ST6GALNAC2: variants seen among roughly 807,000 people sequenced by gnomAD.
The protein encoded by ST6GALNAC2 is alpha-N-acetylgalactosaminide alpha-2,6-sialyltransferase 2.
In ST6GALNAC2, 42 loss-of-function variants were observed where a neutral mutation model predicts 38.7. That is an observed-to-expected ratio of 1.09 (90% CI 0.85 to 1.40). The LOEUF is 1.40. ST6GALNAC2 is among the 40% of genes most tolerant of loss of function. The probability of loss-of-function intolerance (pLI) is 0.00; values close to 1 mark genes in which losing one functional copy is unlikely to be tolerated. For missense variants in ST6GALNAC2, 506 were observed against 481.7 expected (o/e 1.05, Z -0.47); for synonymous variants, 233 against 209.0 (o/e 1.11, Z -0.99).
chr17:76,570,904 G>A (rs1288443151), intron 5 of ST6GALNAC2: 7 of 489,970 alleles, frequency 1.4e-5, no homozygotes, highest in African/African-American at 3.9e-5. Flanking sequence ...TGGACTTAGC[G>A]ACTCATGCAC....
At chr17:76,571,170 C>G (rs2075349274) in intron 5 of ST6GALNAC2, 1 of 154,114 alleles carries the variant, frequency 6.5e-6, no homozygotes, top group Non-Finnish European at 1.4e-5. Context: ...GCCAAAACCT[C>G]CCACTAAGCT....
At chr17:76,574,965 C>T (rs566485245) in intron 2 of ST6GALNAC2, among the ~76,000 whole-genome samples, 2 of 152,262 alleles carry the variant, frequency 1.3e-5, no homozygotes, top group East Asian at 1.9e-4. Context: ...CGTGAGCCAC[C>T]GCGCCTGGCC....
At chr17:76,585,286 A>AAGCAGAAT (rs2075532169) in intron 1 of ST6GALNAC2, among the ~76,000 whole-genome samples, 1 of 152,178 alleles carries the variant, frequency 6.6e-6, no homozygotes, top group Admixed American at 6.5e-5. Context: ...CCTGCCCAAA[A>AAGCAGAAT]AGCAGAATCT....
At position 76,579,751 on chromosome 17, in the gene ST6GALNAC2, T is replaced by C. The variant is rs180985194; in HGVS notation, c.126-935A>G. Reference sequence around the variant, plus strand: ...ACAAGGATGAATCCAGCCTCTCTTCTCTGGAGCATACGTGCTCTCTTGTCT... The same window carrying C: ...ACAAGGATGAATCCAGCCTCTCTTCCCTGGAGCATACGTGCTCTCTTGTCT... On this transcript the variant is annotated intron_variant, in intron 1 of 8. Transcript: ENST00000225276. 1.5e-3 allele frequency among the ~76,000 whole-genome samples: 231 copies of C among 152,332 alleles called. 2 individuals carry two copies. The highest frequency in any genetic ancestry group is 4.7e-4 in the Non-Finnish European group (32 of 68,032).
Position 76,578,745 on chromosome 17 carries a change from G to A in ST6GALNAC2, c.186+11C>T, listed in dbSNP as rs778941330. On this transcript the variant is annotated intron_variant, in intron 2 of 8. Coordinates refer to ENST00000225276, the MANE Select transcript of ST6GALNAC2 (RefSeq NM_006456.3). ...TGCTCAAAACTGCCACAGGGTAGTC[G>A]ACCACTCTACCTTTCCTGTCCAAGA... is the stretch of plus-strand genomic sequence containing the variant. The A allele has an allele frequency of 3.1e-6, 5 of 1,611,424 alleles. No individual in the cohort carries two copies. Among genetic ancestry groups the A allele is most frequent in the African/African-American group, 2.7e-5 (2 of 74,884 alleles).
rs764650902 is a variant in ST6GALNAC2 at position 76,568,874 on chromosome 17, C to A, written c.774-78G>T. 9.8e-6 allele frequency: 14 copies of A among 1,434,384 alleles called. No homozygotes were observed. In the African/African-American group the frequency reaches 1.1e-4, roughly 12 times the overall value. The allele number at this position is 1,434,384 out of a possible 1,614,324, so 88.9% of individuals were successfully genotyped here. On this transcript the variant is annotated intron_variant, in intron 6 of 8. Coordinates refer to ENST00000225276, the MANE Select transcript of ST6GALNAC2 (RefSeq NM_006456.3). ...GGGGAGATGGAGGGGAGGGTCAGGG[C>A]GCCGGAGTAGCCGCGGTACCCTGAG... is the stretch of plus-strand genomic sequence containing the variant.
At chr17:76,583,268 C>T (rs188121283) in intron 1 of ST6GALNAC2, among the ~76,000 whole-genome samples, 86 of 148,300 alleles carry the variant, frequency 5.8e-4, no homozygotes, top group Admixed American at 9.7e-4. Flanking sequence ...CCCAGCTACT[C>T]GGGAGGCTGA....
In ST6GALNAC2 at chr17:76,567,560, CA is replaced by C. The variant is rs1238919873; in HGVS notation, c.858-9del. The C allele has an allele frequency of 3.8e-6, 6 of 1,584,328 alleles. No individual in the cohort carries two copies. The East Asian group carries it at 1.3e-4, about 35-fold the overall frequency. ...AACTTTGATTTCAAGAACCTGGAAGCAAAAAGAGACATTTCAGCTCACTAGC... is the reference window on the plus strand; with the variant it reads ...AACTTTGATTTCAAGAACCTGGAAGCAAAAGAGACATTTCAGCTCACTAGC... On this transcript the variant is annotated splice_polypyrimidine_tract_variant and intron_variant, in intron 7 of 8. Transcript: ENST00000225276.
intron 6 of ST6GALNAC2, chr17:76,569,646 C>A: frequency 2.5e-6 from 1 of 398,168 alleles, no homozygotes. Context: ...AAGGGGAGCT[C>A]ATTGGTGTTG....
rs1029819206 is a variant in ST6GALNAC2 at position 76,569,840 on chromosome 17, G to T, written c.773+725C>A. On this transcript the variant is annotated intron_variant, in intron 6 of 8. Transcript: ENST00000225276. ...ACCACCTGTAAAGCTGCTCTGTGGG[G>T]GGTGGGGAAGATGTCCTCAGCGAGA... 1.2e-5 allele frequency: 3 copies of T among 245,040 alleles called. 1 individual carries two copies. Among genetic ancestry groups the T allele is most frequent in the East Asian group, 1.4e-4 (2 of 14,116 alleles). 15.2% of individuals were successfully genotyped at this position (245,040 alleles called of 1,614,324 possible).
In ST6GALNAC2 at chr17:76,568,563, TG is replaced by T. The variant is rs1003567432; in HGVS notation, c.857+149del. On this transcript the variant is annotated intron_variant, in intron 7 of 8. Coordinates refer to ENST00000225276, the MANE Select transcript of ST6GALNAC2 (RefSeq NM_006456.3). ...GTGCTAAATAAAACAGTAAATGAAG[TG>T]ACAGTGCTTTGCACACAGCACTCGG... The T allele has an allele frequency of 1.0e-5, 7 of 691,942 alleles. No individual in the cohort carries two copies. The African/African-American group carries it at 1.3e-4, about 12-fold the overall frequency. The allele number at this position is 691,942 out of a possible 1,614,324, so 42.9% of individuals were successfully genotyped here.
chr17:76,578,690 C>T (rs867993456), intron 2 of ST6GALNAC2, 66 bp downstream of exon 2: 1 of 1,482,938 alleles, frequency 6.7e-7, no homozygotes, highest in Non-Finnish European at 9.3e-7. Flanking sequence ...CTCGTTTGCT[C>T]TTCTTCCCTC....
intron 2 of ST6GALNAC2, among the ~76,000 whole-genome samples, chr17:76,575,262 CAGGCTGCCAG>C (rs1196083066): frequency 2.0e-5 from 3 of 152,192 alleles, no homozygotes; most frequent in African/African-American, 7.2e-5. Context: ...TGTGTGTGAA[CAGGCTGCCAG>C]GAAGATCCGT....
intron 1 of ST6GALNAC2, 81 bp downstream of exon 1, chr17:76,585,603 G>T: frequency 7.2e-7 from 1 of 1,395,480 alleles, no homozygotes; most frequent in Non-Finnish European, 9.3e-7. Flanking sequence ...GCTGCGGGCC[G>T]CCGGGGAGCC....
chr17:76,574,330 C>G, intron 3 of ST6GALNAC2, 35 bp downstream of exon 3: 5 of 1,595,624 alleles, frequency 3.1e-6, no homozygotes, highest in Non-Finnish European at 4.3e-6. Flanking sequence ...GAAGCTAAGG[C>G]AGAAGGCAGG....
At position 76,573,403 on chromosome 17, in the gene ST6GALNAC2, C is replaced by G; in HGVS notation, c.362-40G>C. 1 of 1,473,706 alleles carries G rather than the reference C, an allele frequency of 6.8e-7. No individual in the cohort carries two copies. The allele number at this position is 1,473,706 out of a possible 1,614,324, so 91.3% of individuals were successfully genotyped here. A position where few individuals can be genotyped will look rare whatever the true frequency, so the allele number is the denominator to read the frequency against. On this transcript the variant is annotated intron_variant, in intron 3 of 8. Coordinates refer to ENST00000225276, the MANE Select transcript of ST6GALNAC2 (RefSeq NM_006456.3). The surrounding 1 kb of genome is among the most constrained non-coding windows in gnomAD (Gnocchi z 5.1). The stretch of plus-strand genomic sequence containing the variant: ...GGGGAGCAGCCATGAGGAGGGCTGG[C>G]ATCGGGGGCACCTGGGGCCTTCCCT...
At chr17:76,569,525 A>AGGGGG in intron 6 of ST6GALNAC2, 1 of 148,550 alleles carries the variant, frequency 6.7e-6, no homozygotes, top group Non-Finnish European at 1.1e-5. Flanking sequence ...CGGGAGGAAG[A>AGGGGG]GCCCCGAGTG....
At chr17:76,572,491 A>C in intron 5 of ST6GALNAC2, 146 bp downstream of exon 5, 3 of 922,754 alleles carry the variant, frequency 3.3e-6, no homozygotes, top group East Asian at 2.6e-5. Context: ...CCTCACCTTC[A>C]GTGGCTGTAT....
In ST6GALNAC2 at chr17:76,568,708, C is replaced by T. The variant is rs199823616; in HGVS notation, c.857+5G>A. The stretch of plus-strand genomic sequence containing the variant: ...ACGCTGTTCTTCAGGCACCCCACTC[C>T]GTACCTTTCTGTCAGGTAGCTGATG... On this transcript the variant is annotated splice_donor_5th_base_variant and intron_variant, in intron 7 of 8. Coordinates refer to ENST00000225276, the MANE Select transcript of ST6GALNAC2 (RefSeq NM_006456.3). 7.1e-4 allele frequency: 1,143 copies of T among 1,613,614 alleles called. 2 individuals are homozygous for T. Among genetic ancestry groups the T allele is most frequent in the Non-Finnish European group, 8.5e-4 (1,005 of 1,179,912 alleles).
Sources: gnomAD v4.1 joint callset for allele counts (sites outside exome capture counted in the v4.1 genomes callset) on GRCh38, gnomAD v4.1.1 for gene constraint, Gnocchi (gnomAD v3.1) non-coding constraint, MANE v1.5 for transcripts, NCBI Gene and HGNC (gene_info 2026-07-23, HGNC 2026-07-21) for gene names.